The following SLC52A3 variants were observed in gnomAD, a reference collection of about 807,000 sequenced individuals.
SLC52A3 encodes solute carrier family 52, riboflavin transporter, member 3.
SLC52A3 carries 20 observed loss-of-function variants against 29.5 expected under a neutral mutation model. The observed-to-expected ratio is 0.68, with a 90% CI of 0.48 to 0.99. The LOEUF is 0.99. Ranked by LOEUF, SLC52A3 falls within the 50% of genes least tolerant of loss-of-function variation. The pLI is 0.00. For synonymous variants in SLC52A3, 301 were observed against 271.0 expected (o/e 1.11, Z -1.09); for missense variants, 548 against 612.9 (o/e 0.89, Z 1.12).
intron 2 of SLC52A3, among the ~76,000 whole-genome samples, chr20:764,908 C>G (rs1433363228): frequency 6.6e-6 from 1 of 152,198 alleles, no homozygotes; most frequent in Non-Finnish European, 1.5e-5. Flanking sequence ...CCTCCCTTCA[C>G]TCTCCCATAA....
In SLC52A3 at chr20:761,153, G is replaced by A; in HGVS notation, c.1283C>T (p.Ala428Val). The change falls in exon 5 of 5, where the codon GCC becomes GTC. Residue 428 changes from alanine to valine, a missense_variant. Physicochemically the swap from Ala to Val is moderately conservative, Grantham distance 64. Around this residue, in one of 2 missense-constraint regions of SLC52A3, gnomAD observed 173 missense variants for 141.8 expected, o/e 1.22. Coordinates refer to ENST00000645534, the MANE Select transcript of SLC52A3 (RefSeq NM_033409.4). ...GVVLRDLSRS[A>V]LLWCGAAVQL... ...CACCGCCGCCCCGCACCACAAGAGG[G>A]CGCTGCGGCTGAGGTCGCGCAGGAC... 3.8e-6 allele frequency: 6 copies of A among 1,585,768 alleles called. No individual in the cohort carries two copies. The highest frequency in any genetic ancestry group is 5.1e-6 in the Non-Finnish European group (6 of 1,167,434).
intron 1 of SLC52A3, 26 bp downstream of exon 1, chr20:768,271 C>T (rs1986750101): frequency 6.6e-6 from 1 of 152,084 alleles, no homozygotes; most frequent in African/African-American, 2.4e-5. Flanking sequence ...GAAAAGATTC[C>T]CCTACTAGGT....
Position 763,869 on chromosome 20 carries a change from G to A in SLC52A3, c.702C>T (p.Cys234=). Residue 234 remains cysteine, a synonymous_variant, in exon 3 of 5, where the codon TGC becomes TGT. Coordinates refer to ENST00000645534, the MANE Select transcript of SLC52A3 (RefSeq NM_033409.4). ...GCTGGAGGACAAAGAACGCCACGAG[G>A]CAGCAGGCCATCATGATGGATAGGA... is the stretch of plus-strand genomic sequence containing the variant. ...FLLLSIMMAC[C]LVAFFVLQRQ... 2 of 1,614,164 alleles carry A rather than the reference G, an allele frequency of 1.2e-6. No individual in the cohort carries two copies. The highest frequency in any genetic ancestry group is 8.5e-7 in the Non-Finnish European group (1 of 1,180,016).
chr20:776,860 G>T (rs979092411), upstream of SLC52A3, among the ~76,000 whole-genome samples: 6 of 151,684 alleles, frequency 4.0e-5, no homozygotes, highest in African/African-American at 9.7e-5. Context: ...CGCTTTTGGG[G>T]GGGGGGCCAC....
chr20:774,741 G>A (rs1041939363), intron 1 of SLC52A3, among the ~76,000 whole-genome samples: 6 of 152,188 alleles, frequency 3.9e-5, no homozygotes, highest in Admixed American at 3.9e-4. Context: ...TCTTGTTGCT[G>A]GGACCTCAGA....
upstream of SLC52A3, among the ~76,000 whole-genome samples, chr20:777,275 A>AC (rs58819464): frequency 2.7e-5 from 4 of 149,070 alleles, no homozygotes; most frequent in Non-Finnish European, 4.5e-5. Flanking sequence ...CAAAAAACAA[A>AC]AAAAAAACAC....
rs1599960465 is a variant in SLC52A3, at chr20:766,950, G to A, written c.-51-1125C>T. ...CATTCACAATAGGAAAACTACTCCA[G>A]GTGCCATTTCTCACCATGAGATTGT... On this transcript the variant is annotated intron_variant, in intron 1 of 4. Transcript: ENST00000645534. Among the ~76,000 whole-genome samples the A allele has an allele frequency of 4.6e-5, 7 of 152,274 alleles. No homozygotes were observed. In the South Asian group the frequency reaches 1.2e-3, roughly 27 times the overall value.
upstream of SLC52A3, chr20:768,757 C>G (rs1024946485): frequency 1.3e-5 from 2 of 152,360 alleles, no homozygotes; most frequent in African/African-American, 4.8e-5. Context: ...ACTCCATTCC[C>G]TCCCTTAGGA....
At chr20:761,902 A>G in intron 3 of SLC52A3, 78 bp from the exon 4 acceptor site, 1 of 1,598,740 alleles carries the variant, frequency 6.3e-7, no homozygotes, top group South Asian at 1.1e-5. Context: ...CGGCATGTGG[A>G]TGGCCAGTGT....
intron 4 of SLC52A3, chr20:761,454 G>T: frequency 1.3e-6 from 1 of 744,288 alleles, no homozygotes; most frequent in Non-Finnish European, 2.1e-6. Context: ...ACGTGCCCAT[G>T]ATCAGGGCAA....
At chr20:761,538 GC>G in intron 4 of SLC52A3, 162 bp downstream of exon 4, 1 of 1,060,030 alleles carries the variant, frequency 9.4e-7, no homozygotes, top group African/African-American at 1.6e-5. Flanking sequence ...GATTCCCTAA[GC>G]CTCCACTCCC....
At chr20:776,500 T>C (rs932391160), upstream of SLC52A3, among the ~76,000 whole-genome samples, 2 of 152,184 alleles carry the variant, frequency 1.3e-5, no homozygotes, top group Admixed American at 6.5e-5. Context: ...TTACTATCCC[T>C]ATTTTCCAGA....
chr20:761,800 G>C lies in SLC52A3; in HGVS notation c.1098C>G (p.Leu366=), dbSNP rs1427930663. ...PNRSLLFLGV[L]SVLGTCFGGY... ...CCCCAAAGCAGGTCCCAAGCACGGA[G>C]AGGACCCCCAGGAACAGCAGAGACC... is the stretch of plus-strand genomic sequence containing the variant. Residue 366 remains leucine (L), a synonymous_variant, in exon 4 of 5, where the codon CTC becomes CTG. Coordinates refer to ENST00000645534, the MANE Select transcript of SLC52A3 (RefSeq NM_033409.4). 3 of 1,614,116 alleles carry C rather than the reference G, an allele frequency of 1.9e-6. No individual in the cohort carries two copies. Among genetic ancestry groups the C allele is most frequent in the Non-Finnish European group, 2.5e-6 (3 of 1,180,036 alleles).
chr20:762,576 T>C (rs2317024), intron 3 of SLC52A3, among the ~76,000 whole-genome samples: 54,321 of 152,072 alleles, frequency 0.36, 10,448 homozygotes, highest in East Asian at 0.66. Flanking sequence ...CCTTAAAGAC[T>C]CTTTCTGCTC....
At chr20:772,205 G>A (rs113475927), upstream of SLC52A3, among the ~76,000 whole-genome samples, 133 of 152,304 alleles carry the variant, frequency 8.7e-4, no homozygotes, top group Middle Eastern at 3.4e-3. Flanking sequence ...AGCTCTGAAC[G>A]CCTAAATCCC....
chr20:772,189 C>A, upstream of SLC52A3, among the ~76,000 whole-genome samples: 1 of 152,234 alleles, frequency 6.6e-6, no homozygotes, highest in East Asian at 1.9e-4. Context: ...TGTTCGACAA[C>A]TCCTAAGCTC....
In SLC52A3 at chr20:765,936, G is replaced by C; in HGVS notation, c.-51-111C>G. 3.0e-6 allele frequency: 2 copies of C among 661,620 alleles called. 1 individual carries two copies. The highest frequency in any genetic ancestry group is 5.8e-5 in the Admixed American group (2 of 34,202). 41.0% of individuals were successfully genotyped at this position (661,620 alleles called of 1,614,324 possible). The stretch of plus-strand genomic sequence containing the variant: ...TACTCCCCTTCCTGTGAACAAGCTG[G>C]CTTTTTTTTTTTTCCTTTGAGACAT... On this transcript the variant is annotated intron_variant, in intron 1 of 4. Coordinates refer to ENST00000645534, the MANE Select transcript of SLC52A3 (RefSeq NM_033409.4). The surrounding 1 kb of genome is among the most constrained non-coding windows in gnomAD (Gnocchi z 6.6).
chr20:764,830 G>A (rs567404082), intron 2 of SLC52A3, among the ~76,000 whole-genome samples: 2 of 152,292 alleles, frequency 1.3e-5, no homozygotes, highest in African/African-American at 4.8e-5. Flanking sequence ...GAAGAGAAAG[G>A]TGATGGCCTT....
At chr20:762,402 G>A (rs1380966265) in intron 3 of SLC52A3, among the ~76,000 whole-genome samples, 2 of 152,166 alleles carry the variant, frequency 1.3e-5, no homozygotes, top group African/African-American at 4.8e-5. Flanking sequence ...CCTGGCAGCT[G>A]GCTTGTTGCT....
Sources: allele counts gnomAD v4.1 joint callset (sites outside exome capture counted in the v4.1 genomes callset), GRCh38; gene constraint gnomAD v4.1.1; regional missense constraint gnomAD v4.1.1; non-coding constraint Gnocchi (gnomAD v3.1); transcripts MANE v1.5; gene names NCBI Gene and HGNC (gene_info 2026-07-23, HGNC 2026-07-21).